Variants in SRGAP1 observed in about 807,000 individuals in gnomAD.
The protein encoded by SRGAP1 is SLIT-ROBO Rho GTPase activating protein 1.
A neutral mutation model predicts 121.9 loss-of-function variants in SRGAP1; 43 were observed. The observed-to-expected ratio is 0.35, with a 90% CI of 0.28 to 0.46. SRGAP1 has a LOEUF of 0.46. SRGAP1 is among the 20% of genes least tolerant of loss of function. SRGAP1 has a pLI of 1.00. For synonymous variants in SRGAP1, 447 were observed against 485.4 expected, an observed-to-expected ratio of 0.92 and a Z score of 1.04; for missense variants, 1,102 against 1,350.9, an observed-to-expected ratio of 0.82 and a Z score of 2.89.
intron 4 of SRGAP1, among the ~76,000 whole-genome samples, chr12:64,034,082 G>A (rs2034845839): frequency 6.6e-6 from 1 of 152,114 alleles, no homozygotes; most frequent in East Asian, 1.9e-4. Flanking sequence ...TCACTGATAT[G>A]GTTTGGCTCC....
At chr12:64,000,300 GA>G (rs1226679781) in intron 3 of SRGAP1, among the ~76,000 whole-genome samples, 3 of 149,374 alleles carry the variant, frequency 2.0e-5, no homozygotes, top group African/African-American at 7.4e-5. Flanking sequence ...AGGATGTTAG[GA>G]CAAACTAGTT....
At position 64,067,074 on chromosome 12, in the gene SRGAP1, C is replaced by T. The variant is rs146079771; in HGVS notation, c.1125+1855C>T. On this transcript the variant is annotated intron_variant, in intron 8 of 21. Transcript: ENST00000355086. ...TGGCCACTCTGGCCCTGCACTGCCT[C>T]ATGAATTGAAGAGCTGGGGCATTTG... is the stretch of plus-strand genomic sequence containing the variant. Among the ~76,000 whole-genome samples, 335 of 152,238 alleles carry T rather than the reference C, an allele frequency of 2.2e-3. 1 individual carries two copies. The highest frequency in any genetic ancestry group is 7.8e-3 in the African/African-American group (324 of 41,556).
chr12:64,111,905 T>C lies in SRGAP1; in HGVS notation c.2063T>C (p.Ile688Thr), dbSNP rs1252384765. 1.9e-6 allele frequency: 3 copies of C among 1,614,108 alleles called. No individual in the cohort carries two copies. The highest frequency in any genetic ancestry group is 2.5e-6 in the Non-Finnish European group (3 of 1,179,988). ...AATGAAATTATCAAAACCATCATCATCCACCATGAGACTATTTTCCCAGAT... is the reference window on the plus strand; with the variant it reads ...AATGAAATTATCAAAACCATCATCACCCACCATGAGACTATTTTCCCAGAT... ...HVNEIIKTIIIHHETIFPDAK... is the reference protein window; with the variant it reads ...HVNEIIKTIITHHETIFPDAK... Residue 688 changes from isoleucine (I) to threonine (T), a missense_variant, in exon 17 of 22, where the codon ATC (isoleucine) becomes ACC (threonine). Around this residue, in one of 3 missense-constraint regions of SRGAP1, gnomAD observed 747 missense variants for 929.4 expected, o/e 0.80. Coordinates refer to ENST00000355086, the MANE Select transcript of SRGAP1 (RefSeq NM_020762.4).
rs1250871473 is a variant in SRGAP1 at position 64,148,149 on chromosome 12, A to T, written c.*5477A>T. On this transcript the variant is annotated 3_prime_UTR_variant, in exon 22 of 22. Transcript: ENST00000355086. ...AGCCTCCTAAACATACACCAGATTG[A>T]AATCTTTCTTTTGAGAAAGACTCTA... 6.5e-6 allele frequency: 1 copy of T among 152,720 alleles called. No homozygotes were observed. Among genetic ancestry groups the T allele is most frequent in the Non-Finnish European group, 1.5e-5 (1 of 68,428 alleles). 9.5% of individuals were successfully genotyped at this position (152,720 alleles called of 1,614,324 possible).
intron 1 of SRGAP1, among the ~76,000 whole-genome samples, chr12:63,929,419 A>G (rs2031378955): frequency 2.0e-5 from 3 of 152,238 alleles, no homozygotes; most frequent in Admixed American, 6.5e-5. Context: ...TCTGATCTTC[A>G]TGACAGCACC....
intron 1 of SRGAP1, among the ~76,000 whole-genome samples, chr12:63,949,901 C>T (rs894472960): frequency 3.3e-5 from 5 of 152,262 alleles, no homozygotes; most frequent in Admixed American, 3.3e-4. Context: ...CAAAAATTCC[C>T]TTCCCTGATA....
intron 3 of SRGAP1, among the ~76,000 whole-genome samples, chr12:63,992,455 A>C (rs779281690): frequency 6.6e-6 from 1 of 152,036 alleles, no homozygotes; most frequent in Non-Finnish European, 1.5e-5. Context: ...TGGCATTTGG[A>C]GTGATCTCAT....
intron 4 of SRGAP1, 76 bp from the exon 5 acceptor site, chr12:64,042,714 G>A (rs910318203): frequency 4.3e-5 from 51 of 1,172,646 alleles, no homozygotes; most frequent in Admixed American, 2.8e-4. Flanking sequence ...TATCATATAC[G>A]TCGTATAAAT....
At chr12:63,895,902 GCTGTGCCTTT>G (rs1190518377) in intron 1 of SRGAP1, among the ~76,000 whole-genome samples, 35 of 152,176 alleles carry the variant, frequency 2.3e-4, no homozygotes, top group Non-Finnish European at 2.9e-5. Context: ...CCTGCAATCA[GCTGTGCCTTT>G]ATTCTTTAGT....
chr12:64,000,586 C>G (rs1292658438), intron 3 of SRGAP1, among the ~76,000 whole-genome samples: 1 of 152,108 alleles, frequency 6.6e-6, no homozygotes, highest in African/African-American at 2.4e-5. Flanking sequence ...GCAGTCTGGC[C>G]TGGGCATCAG....
chr12:64,140,873 G>A (rs373989891), intron 21 of SRGAP1, among the ~76,000 whole-genome samples: 14 of 130,734 alleles, frequency 1.1e-4, no homozygotes, highest in South Asian at 2.9e-4. Flanking sequence ...GAACCAACCC[G>A]AATGTCCAAC....
At chr12:64,049,105 A>C (rs1333981614) in intron 6 of SRGAP1, among the ~76,000 whole-genome samples, 1 of 152,192 alleles carries the variant, frequency 6.6e-6, no homozygotes, top group Non-Finnish European at 1.5e-5. Context: ...AGTTTCTCCA[A>C]TGTTTTCTTG....
intron 1 of SRGAP1, among the ~76,000 whole-genome samples, chr12:63,919,445 C>T (rs941440213): frequency 6.6e-6 from 1 of 151,048 alleles, no homozygotes; most frequent in Non-Finnish European, 1.5e-5. Flanking sequence ...GCTGGGATTA[C>T]AGGTGTAAGC....
rs530373916 is a variant in SRGAP1 at position 64,155,832 on chromosome 12, G to C, written c.*13160G>C. 1 of 151,978 alleles carries C rather than the reference G, an allele frequency of 6.6e-6. No individual in the cohort carries two copies. The highest frequency in any genetic ancestry group is 2.4e-5 in the African/African-American group (1 of 41,480). The allele number at this position is 151,978 out of a possible 1,614,324, so 9.4% of individuals were successfully genotyped here. ...GTATTTTTAGTACAGCCGGGGTTTC[G>C]CCATGTTGGCCAGGCTGGTCTTGAA... On this transcript the variant is annotated 3_prime_UTR_variant, in exon 22 of 22. Transcript: ENST00000355086.
rs1417187243 is a variant in SRGAP1, at chr12:63,919,525, CAT to C, written c.68-64420_68-64419del. 6.1e-4 allele frequency among the ~76,000 whole-genome samples: 81 copies of C among 132,272 alleles called. 1 individual carries two copies. Among genetic ancestry groups the C allele is most frequent in the African/African-American group, 2.5e-3 (80 of 32,552 alleles). The allele number at this position is 132,272 out of a possible 152,430, so 86.8% of individuals were successfully genotyped here. A position where few individuals can be genotyped will look rare whatever the true frequency, so the allele number is the denominator to read the frequency against. On this transcript the variant is annotated intron_variant, in intron 1 of 21. Transcript: ENST00000355086. ...ATATATATATATATATATATATACA[CAT>C]ACACACACACACAACTATGTTTGAA... is the stretch of plus-strand genomic sequence containing the variant.
chr12:64,114,027 C>CT (rs5798730), intron 17 of SRGAP1, among the ~76,000 whole-genome samples: 10 of 151,096 alleles, frequency 6.6e-5, no homozygotes, highest in Non-Finnish European at 1.2e-4. Context: ...ACTGAAAGTA[C>CT]TTTTTTTTTT....
At chr12:64,044,699 T>TTTTTTA (rs1463008430) in intron 6 of SRGAP1, among the ~76,000 whole-genome samples, 31 of 138,642 alleles carry the variant, frequency 2.2e-4, no homozygotes, top group African/African-American at 7.8e-4. Flanking sequence ...TTTTTTTTTT[T>TTTTTTA]AAGACAGAGT....
chr12:64,136,377 TATGTTTATAATCAGTG>T (rs1300536414), intron 21 of SRGAP1, among the ~76,000 whole-genome samples: 5 of 152,152 alleles, frequency 3.3e-5, no homozygotes, highest in Non-Finnish European at 7.3e-5. Context: ...CAAATATATG[TATGTTTATAATCAGTG>T]AGAAAAGAGG....
At chr12:64,122,099 A>C (rs1288940046) in intron 18 of SRGAP1, among the ~76,000 whole-genome samples, 2 of 152,218 alleles carry the variant, frequency 1.3e-5, no homozygotes, top group African/African-American at 4.8e-5. Flanking sequence ...TCCAAAGAGA[A>C]AGTGTGATCA....
Sources: gnomAD v4.1 joint callset for allele counts (sites outside exome capture counted in the v4.1 genomes callset) on GRCh38, gnomAD v4.1.1 for gene constraint, gnomAD v4.1.1 regional missense constraint, MANE v1.5 for transcripts, NCBI Gene and HGNC (gene_info 2026-07-23, HGNC 2026-07-21) for gene names.